The following PAK1 variants were observed in gnomAD, a reference collection of about 807,000 sequenced individuals.
PAK1 encodes serine/threonine-protein kinase PAK 1.
Under a neutral mutation model 67.4 loss-of-function variants are expected in PAK1, and 29 were observed. The observed-to-expected ratio is 0.43, with a 90% CI of 0.32 to 0.59. PAK1 has a LOEUF of 0.59. PAK1 is among the 20% of genes least tolerant of loss of function. The probability of loss-of-function intolerance (pLI) is 0.07; values close to 1 mark genes in which losing one functional copy is unlikely to be tolerated. For synonymous variants in PAK1, 223 were observed against 237.4 expected (o/e 0.94, Z 0.56); for missense variants, 337 against 670.7 (o/e 0.50, Z 5.50).
the PAK1 span, among the ~76,000 whole-genome samples, chr11:77,484,066 T>C: frequency 6.6e-6 from 1 of 152,094 alleles, no homozygotes; most frequent in African/African-American, 2.4e-5. Context: ...TACCAAGTGC[T>C]TTATTAGAAA....
chr11:77,340,104 CTTTTT>C lies in PAK1; in HGVS notation c.1116+537_1116+541del, dbSNP rs1175661156. Among the ~76,000 whole-genome samples the C allele has an allele frequency of 4.6e-5, 7 of 152,118 alleles. No individual in the cohort carries two copies. In the South Asian group the frequency reaches 6.2e-4, roughly 14 times the overall value. On this transcript the variant is annotated intron_variant, in intron 11 of 14. Coordinates refer to ENST00000356341, the MANE Select transcript of PAK1 (RefSeq NM_002576.5). ...GGAGTATCTATTTGAGCTTTGTTTTCTTTTTTTATTTTCCTGGAAGTATTTTACCC... is the reference window on the plus strand; with the variant it reads ...GGAGTATCTATTTGAGCTTTGTTTTCTTATTTTCCTGGAAGTATTTTACCC...
At chr11:77,509,524 C>T in the PAK1 span, among the ~76,000 whole-genome samples, 3 of 152,150 alleles carry the variant, frequency 2.0e-5, no homozygotes, top group African/African-American at 7.2e-5. Flanking sequence ...CAGTTTGCCT[C>T]CTACTGTTCA....
rs188388098 is a variant in PAK1 at position 77,429,654 on chromosome 11, T to C, written c.-21-37113A>G. Among the ~76,000 whole-genome samples, 9 of 152,324 alleles carry C rather than the reference T, an allele frequency of 5.9e-5. No homozygotes were observed. The East Asian group carries it at 7.7e-4, about 13-fold the overall frequency. ...CTGATATTCTACAAAATAATTGGCCTGTAATCTTCAGAAGTGTCAAGGTTA... is the reference window on the plus strand; with the variant it reads ...CTGATATTCTACAAAATAATTGGCCCGTAATCTTCAGAAGTGTCAAGGTTA... On this transcript the variant is annotated intron_variant, in intron 1 of 14. Coordinates refer to ENST00000356341, the MANE Select transcript of PAK1 (RefSeq NM_002576.5).
chr11:77,352,170 C>G (rs993276078), intron 8 of PAK1, among the ~76,000 whole-genome samples: 26 of 152,138 alleles, frequency 1.7e-4, no homozygotes, highest in Admixed American at 1.5e-3. Flanking sequence ...TCAAAAGACA[C>G]TACAGTCATT....
the PAK1 span, among the ~76,000 whole-genome samples, chr11:77,499,213 A>G: frequency 1.3e-5 from 2 of 151,590 alleles, no homozygotes; most frequent in Non-Finnish European, 1.5e-5. Context: ...TCCTACCAGG[A>G]ATATCTATTG....
intron 1 of PAK1, among the ~76,000 whole-genome samples, chr11:77,415,224 C>T (rs1954882860): frequency 6.6e-6 from 1 of 152,174 alleles, no homozygotes; most frequent in African/African-American, 2.4e-5. Context: ...ACTGACAACA[C>T]CAAATGGTGA....
Position 77,323,250 on chromosome 11 carries a change from A to G in PAK1, c.*24T>C. The G allele has an allele frequency of 1.2e-6, 2 of 1,613,772 alleles. No individual in the cohort carries two copies. Among genetic ancestry groups the G allele is most frequent in the South Asian group, 2.2e-5 (2 of 91,052 alleles). On this transcript the variant is annotated 3_prime_UTR_variant, in exon 15 of 15. Coordinates refer to ENST00000356341, the MANE Select transcript of PAK1 (RefSeq NM_002576.5). ...ATTTATCTCACAGAAGGCTTGGCACAATGAGGCTGGGGTGAGTGTGGTTTT... is the reference window on the plus strand; with the variant it reads ...ATTTATCTCACAGAAGGCTTGGCACGATGAGGCTGGGGTGAGTGTGGTTTT...
chr11:77,483,779 T>A, the PAK1 span, among the ~76,000 whole-genome samples: 11 of 152,334 alleles, frequency 7.2e-5, no homozygotes, highest in East Asian at 2.1e-3. Flanking sequence ...GAACTAACTA[T>A]AACATCCTAA....
chr11:77,416,493 A>C lies in PAK1; in HGVS notation c.-21-23952T>G, dbSNP rs368070592. Among the ~76,000 whole-genome samples the C allele has an allele frequency of 2.8e-4, 43 of 152,284 alleles. No individual in the cohort carries two copies. The East Asian group carries it at 5.6e-3, about 20-fold the overall frequency. ...CATGCATGGAGCTGACATCTCTTAT[A>C]ATAACAATGACTTCTTCTGGAAGAC... On this transcript the variant is annotated intron_variant, in intron 1 of 14. Coordinates refer to ENST00000356341, the MANE Select transcript of PAK1 (RefSeq NM_002576.5).
At position 77,473,875 on chromosome 11, in the gene PAK1, G is replaced by A. The variant is rs1303963212; in HGVS notation, c.-345C>T. The A allele has an allele frequency of 6.6e-6, 1 of 152,180 alleles. No individual in the cohort carries two copies. Among genetic ancestry groups the A allele is most frequent in the Non-Finnish European group, 1.5e-5 (1 of 68,404 alleles). The allele number at this position is 152,180 out of a possible 1,614,324, so 9.4% of individuals were successfully genotyped here. ...GACCAGGTTCCTCGAGGGGGCTCAC[G>A]AAAGCGCGGGGCTCCGTGGAAAAGG... On this transcript the variant is annotated 5_prime_UTR_variant, in exon 1 of 15. Coordinates refer to ENST00000356341, the MANE Select transcript of PAK1 (RefSeq NM_002576.5).
intron 2 of PAK1, among the ~76,000 whole-genome samples, chr11:77,384,256 G>A (rs1460682936): frequency 1.3e-5 from 2 of 152,154 alleles, no homozygotes; most frequent in Non-Finnish European, 2.9e-5. Flanking sequence ...GCACATGACT[G>A]CAGGCAGGAA....
In PAK1 at chr11:77,343,957, G is replaced by C. The variant is rs562862517; in HGVS notation, c.886-26C>G. The C allele has an allele frequency of 8.7e-4, 1,264 of 1,454,948 alleles. 18 individuals are homozygous for C. The South Asian group carries it at 0.013, about 16-fold the overall frequency. 90.1% of individuals were successfully genotyped at this position (1,454,948 alleles called of 1,614,324 possible). A position where few individuals can be genotyped will look rare whatever the true frequency, so the allele number is the denominator to read the frequency against. ...CTGAAATCAAGAGTATATTCAATGT[G>C]CAACCATAGTCATTCCCATTTATTG... On this transcript the variant is annotated intron_variant, in intron 9 of 14. Transcript: ENST00000356341.
intron 1 of PAK1, among the ~76,000 whole-genome samples, chr11:77,462,985 T>TG (rs1957428855): frequency 1.3e-4 from 4 of 30,682 alleles, no homozygotes; most frequent in African/African-American, 1.3e-4. Context: ...AAAAAAAAGG[T>TG]GGGTGGGGGT....
intron 1 of PAK1, among the ~76,000 whole-genome samples, chr11:77,409,707 T>C (rs1954213622): frequency 2.0e-5 from 3 of 152,064 alleles, no homozygotes; most frequent in Admixed American, 6.5e-5. Flanking sequence ...AAATATCACA[T>C]GTTCTCACTC....
chr11:77,442,852 G>C (rs1441029400), intron 1 of PAK1, among the ~76,000 whole-genome samples: 1 of 152,004 alleles, frequency 6.6e-6, no homozygotes, highest in African/African-American at 2.4e-5. Context: ...CAAGGCTTGG[G>C]GCTTCTCCTT....
intron 1 of PAK1, among the ~76,000 whole-genome samples, chr11:77,429,892 T>C (rs1447321583): frequency 6.6e-6 from 1 of 152,188 alleles, no homozygotes; most frequent in Non-Finnish European, 1.5e-5. Context: ...ATGTAGGAAA[T>C]AATGTGGGGT....
the PAK1 span, among the ~76,000 whole-genome samples, chr11:77,491,898 C>G: frequency 6.6e-6 from 1 of 152,126 alleles, no homozygotes; most frequent in African/African-American, 2.4e-5. Context: ...ATAAGAGTGG[C>G]TGAATGGATC....
the PAK1 span, among the ~76,000 whole-genome samples, chr11:77,503,952 C>T: frequency 1.8e-4 from 28 of 152,228 alleles, no homozygotes; most frequent in Non-Finnish European, 2.8e-4. Flanking sequence ...AGTGCAGTGG[C>T]GCGATCTCAA....
In PAK1 at chr11:77,355,653, C is replaced by G. The variant is rs1210212747; in HGVS notation, c.772+15G>C. 1 of 1,605,712 alleles carries G rather than the reference C, an allele frequency of 6.2e-7. No homozygotes were observed. The highest frequency in any genetic ancestry group is 2.2e-5 in the East Asian group (1 of 44,820). ...ATAAAACGAAGAAAGGTTCAGAAAGCTACAAATTCCTTACGTAATTTCTCC... is the reference window on the plus strand; with the variant it reads ...ATAAAACGAAGAAAGGTTCAGAAAGGTACAAATTCCTTACGTAATTTCTCC... On this transcript the variant is annotated intron_variant, in intron 7 of 14. Transcript: ENST00000356341.
Sources: allele counts gnomAD v4.1 joint callset (sites outside exome capture counted in the v4.1 genomes callset), GRCh38; gene constraint gnomAD v4.1.1; transcripts MANE v1.5; gene names NCBI Gene and HGNC (gene_info 2026-07-23, HGNC 2026-07-21).